CFAP210: variants seen among roughly 807,000 people sequenced by gnomAD.
CFAP210 encodes cilia- and flagella- associated protein 210.
the CFAP210 span, among the ~76,000 whole-genome samples, chr2:169,653,857 C>T: frequency 1.3e-5 from 2 of 152,170 alleles, no homozygotes; most frequent in Non-Finnish European, 2.9e-5. Flanking sequence ...ACTCACAAAG[C>T]CATCTTCAGC....
At chr2:169,687,018 G>C in the CFAP210 span, among the ~76,000 whole-genome samples, 1 of 152,168 alleles carries the variant, frequency 6.6e-6, no homozygotes, top group Admixed American at 6.5e-5. Context: ...AACAGAAAAC[G>C]AGGAAGAAGC....
the CFAP210 span, chr2:169,681,131 C>T: frequency 2.5e-6 from 4 of 1,613,802 alleles, no homozygotes; most frequent in South Asian, 4.4e-5. Flanking sequence ...ATCTTGAATC[C>T]TTTTCCACTC....
the CFAP210 span, chr2:169,694,207 C>T: frequency 8.4e-4 from 1,316 of 1,570,932 alleles, 30 homozygotes; most frequent in East Asian, 0.027. Flanking sequence ...CCTCTCACTC[C>T]ATGCCGGGGG....
At chr2:169,649,200 A>T in the CFAP210 span, 1 of 1,610,958 alleles carries the variant, frequency 6.2e-7, no homozygotes, top group Non-Finnish European at 8.5e-7. Flanking sequence ...GAATATGGGC[A>T]TCTTGAACCT....
the CFAP210 span, among the ~76,000 whole-genome samples, chr2:169,669,049 G>C: frequency 6.6e-6 from 1 of 152,296 alleles, no homozygotes; most frequent in Non-Finnish European, 1.5e-5. Context: ...ATTACAAATC[G>C]TAGTGTTTTT....
the CFAP210 span, among the ~76,000 whole-genome samples, chr2:169,649,938 G>A: frequency 6.7e-6 from 1 of 148,250 alleles, no homozygotes; most frequent in Non-Finnish European, 1.5e-5. Flanking sequence ...AAAAAAAATT[G>A]CTCCAATGTG....
At chr2:169,690,077 T>C in the CFAP210 span, among the ~76,000 whole-genome samples, 2 of 152,162 alleles carry the variant, frequency 1.3e-5, no homozygotes, top group African/African-American at 2.4e-5. Flanking sequence ...AGTGTGACCA[T>C]AGCACATTAC....
chr2:169,677,212 T>C, the CFAP210 span, among the ~76,000 whole-genome samples: 2 of 152,148 alleles, frequency 1.3e-5, no homozygotes, highest in Non-Finnish European at 2.9e-5. Context: ...TGCGCAACCC[T>C]GCGTCATAAC....
At chr2:169,673,031 G>T in the CFAP210 span, among the ~76,000 whole-genome samples, 3 of 152,308 alleles carry the variant, frequency 2.0e-5, no homozygotes, top group South Asian at 4.1e-4. Context: ...GTGAGGATAG[G>T]TAACACTTGG....
chr2:169,666,406 A>G, the CFAP210 span, among the ~76,000 whole-genome samples: 1 of 151,362 alleles, frequency 6.6e-6, no homozygotes. Flanking sequence ...GCTTGGTTCC[A>G]AACTAGTGCA....
At chr2:169,645,938 G>A in the CFAP210 span, 1 of 1,613,900 alleles carries the variant, frequency 6.2e-7, no homozygotes, top group Non-Finnish European at 8.5e-7. Context: ...AACATCATTT[G>A]CCTGATAGCT....
chr2:169,654,781 A>AAT, the CFAP210 span, among the ~76,000 whole-genome samples: 97 of 151,560 alleles, frequency 6.4e-4, no homozygotes, highest in South Asian at 1.3e-3. Context: ...AAATACACCA[A>AAT]ATATATATAT....
chr2:169,690,020 T>C, the CFAP210 span, among the ~76,000 whole-genome samples: 278 of 152,240 alleles, frequency 1.8e-3, 4 homozygotes, highest in Admixed American at 0.015. Context: ...TTTTTTGAGA[T>C]GGGGTCTTAC....
chr2:169,658,645 C>A, the CFAP210 span: 1 of 179,570 alleles, frequency 5.6e-6, no homozygotes, highest in Non-Finnish European at 1.2e-5. Context: ...TAATTGCAAT[C>A]ACTAAAAAAC....
chr2:169,646,010 A>G, the CFAP210 span: 1 of 1,613,970 alleles, frequency 6.2e-7, no homozygotes, highest in African/African-American at 1.3e-5. Context: ...TCCTTCCTGT[A>G]CAGCTTTTAC....
At chr2:169,675,572 T>A in the CFAP210 span, among the ~76,000 whole-genome samples, 1 of 152,162 alleles carries the variant, frequency 6.6e-6, no homozygotes, top group Non-Finnish European at 1.5e-5. Context: ...ACAGTACCAA[T>A]GGGGATGGTG....
chr2:169,694,120 AGATGCTTATTGAG>A, the CFAP210 span: 65 of 794,944 alleles, frequency 8.2e-5, no homozygotes, highest in Non-Finnish European at 1.4e-4. Context: ...CAGAGCCCAA[AGATGCTTATTGAG>A]GATGCTTTCG....
At chr2:169,678,960 G>A in the CFAP210 span, among the ~76,000 whole-genome samples, 22 of 152,348 alleles carry the variant, frequency 1.4e-4, no homozygotes, top group African/African-American at 4.8e-4. Context: ...CATCAAGACA[G>A]TGTATTATTG....
At chr2:169,653,941 A>T in the CFAP210 span, 16 of 956,680 alleles carry the variant, frequency 1.7e-5, no homozygotes, top group Non-Finnish European at 2.4e-5. Context: ...CCACGTCCCA[A>T]ACTGAAATCA....
Sources: gnomAD v4.1 joint callset for allele counts (sites outside exome capture counted in the v4.1 genomes callset) on GRCh38, gnomAD v4.1.1 for gene constraint, MANE v1.5 for transcripts, NCBI Gene and HGNC (gene_info 2026-07-23, HGNC 2026-07-21) for gene names.